The following SEPTIN4 variants were observed in gnomAD, a reference collection of about 807,000 sequenced individuals.
SEPTIN4 encodes septin-4.
In SEPTIN4, 52 loss-of-function variants were observed where a neutral mutation model predicts 107.1. The observed-to-expected ratio is 0.49, with a 90% CI of 0.39 to 0.61. SEPTIN4 has a LOEUF of 0.61. Among genes scored for constraint, SEPTIN4 ranks in the 20% least tolerant of loss-of-function variants. The pLI is 0.00. For missense variants in SEPTIN4, 1,048 were observed against 1,243.5 expected (o/e 0.84, Z 2.36); for synonymous variants, 417 against 467.0 (o/e 0.89, Z 1.38).
chr17:58,543,248 T>C lies in SEPTIN4; in HGVS notation c.939A>G (p.Val313=), dbSNP rs143782793. The C allele has an allele frequency of 8.7e-6, 14 of 1,614,042 alleles. No homozygotes were observed. The African/African-American group carries it at 1.6e-4, about 18-fold the overall frequency. The change falls in exon 1 of 14, where the codon GTA becomes GTG. Residue 313 remains valine (V), a synonymous_variant. Coordinates refer to ENST00000672673, the MANE Select transcript of SEPTIN4 (RefSeq NM_001368771.2). ...TCACGTTGGACTCCACCTGTGATGA[T>C]ACTAAGACCTTTGCGGAGGGCTTGG... ...PETKPSAKVL[V]SSQVESNVRT...
Position 58,541,973 on chromosome 17 carries a change from G to A in SEPTIN4, c.1562-7C>T. ...TACATTTCCTCAGAGACATCTGAAA[G>A]TAACAGAGAGATGGTTGCTTTTCTT... On this transcript the variant is annotated splice_region_variant and splice_polypyrimidine_tract_variant and intron_variant, in intron 1 of 13. Coordinates refer to ENST00000672673, the MANE Select transcript of SEPTIN4 (RefSeq NM_001368771.2). 10 of 1,613,500 alleles carry A rather than the reference G, an allele frequency of 6.2e-6. No individual in the cohort carries two copies. The highest frequency in any genetic ancestry group is 1.7e-4 in the Middle Eastern group (1 of 6,060).
Position 58,521,447 on chromosome 17 carries a change from G to C in SEPTIN4, c.2572-97C>G. 1.9e-6 allele frequency: 3 copies of C among 1,562,686 alleles called. No homozygotes were observed. In the Admixed American group the frequency reaches 5.0e-5, roughly 26 times the overall value. ...TCTCTGCTTCATTCTAGGAAGCCAG[G>C]GTCCTTTCCCACCCTGATAGCCTGA... On this transcript the variant is annotated intron_variant, in intron 10 of 13. Transcript: ENST00000672673. The surrounding 1 kb of genome is among the most constrained non-coding windows in gnomAD (Gnocchi z 6.4).
intron 3 of SEPTIN4, among the ~76,000 whole-genome samples, chr17:58,539,483 G>T (rs1473623158): frequency 6.6e-6 from 1 of 152,106 alleles, no homozygotes; most frequent in Admixed American, 6.5e-5. Context: ...AACCTGATCC[G>T]CTACCCATCT....
chr17:58,529,360 C>T (rs2043259527), intron 3 of SEPTIN4: 2 of 1,459,854 alleles, frequency 1.4e-6, no homozygotes, highest in South Asian at 1.4e-5. Context: ...TGTGGAATGT[C>T]CTTCCCCACC....
intron 3 of SEPTIN4, chr17:58,528,085 C>A (rs1227899240): frequency 2.1e-6 from 2 of 964,742 alleles, no homozygotes; most frequent in Non-Finnish European, 2.5e-6. Flanking sequence ...CCACGTGCCA[C>A]CCCCAGACAA....
At chr17:58,532,846 C>T (rs1048067339) in intron 3 of SEPTIN4, among the ~76,000 whole-genome samples, 2 of 152,152 alleles carry the variant, frequency 1.3e-5, no homozygotes, top group African/African-American at 4.8e-5. Flanking sequence ...ATTAGAGGCT[C>T]AGAAAGGTCA....
Position 58,521,843 on chromosome 17 carries a change from A to G in SEPTIN4, c.2362T>C (p.Leu788=), listed in dbSNP as rs1372556148. The G allele has an allele frequency of 1.2e-6, 2 of 1,614,070 alleles. No homozygotes were observed. Among genetic ancestry groups the G allele is most frequent in the African/African-American group, 1.3e-5 (1 of 74,916 alleles). The change falls in exon 9 of 14, where the codon TTG becomes CTG. Residue 788 remains leucine, a synonymous_variant. Coordinates refer to ENST00000672673, the MANE Select transcript of SEPTIN4 (RefSeq NM_001368771.2). The surrounding 1 kb of genome is among the most constrained non-coding windows in gnomAD (Gnocchi z 6.4). ...AGGGCCTTCATGAATTCAACATCCA[A>G]TGGCCGGAGCCTGGGGAACAGGAAC... ...ISPFGHGLRP[L]DVEFMKALHQ...
At chr17:58,528,955 A>G (rs2043209485) in intron 3 of SEPTIN4, among the ~76,000 whole-genome samples, 1 of 152,204 alleles carries the variant, frequency 6.6e-6, no homozygotes. Flanking sequence ...CAGGGGCTCT[A>G]GACAAGGAGT....
In SEPTIN4 at chr17:58,529,488, C is replaced by G. The variant is rs1320707033; in HGVS notation, c.1615-2510G>C. 1.2e-5 allele frequency: 15 copies of G among 1,268,414 alleles called. No individual in the cohort carries two copies. In the South Asian group the frequency reaches 2.4e-4, roughly 20 times the overall value. The allele number at this position is 1,268,414 out of a possible 1,614,324, so 78.6% of individuals were successfully genotyped here. ...TGATTGGCTGTCCCATGACGCCTGC[C>G]TGCTGCCTACCCTGGTGGGCACAGC... On this transcript the variant is annotated intron_variant, in intron 3 of 13. Transcript: ENST00000672673.
intron 6 of SEPTIN4, 134 bp downstream of exon 6, chr17:58,525,561 C>A: frequency 1.3e-6 from 1 of 776,062 alleles, no homozygotes; most frequent in Non-Finnish European, 2.1e-6. Context: ...GCAGTTAGGC[C>A]TATGGAGAGC....
In SEPTIN4 at chr17:58,526,203, C is replaced by A; in HGVS notation, c.2005+17G>T. 6.3e-7 allele frequency: 1 copy of A among 1,577,686 alleles called. No homozygotes were observed. The highest frequency in any genetic ancestry group is 8.6e-7 in the Non-Finnish European group (1 of 1,162,646). ...CTGAAACACACCCTGCCCAACCCAG[C>A]CCTGCCCCTTTTTTACCTGCCACCA... On this transcript the variant is annotated intron_variant, in intron 5 of 13. Transcript: ENST00000672673.
chr17:58,528,930 G>A (rs772863400), intron 3 of SEPTIN4, among the ~76,000 whole-genome samples: 3 of 152,178 alleles, frequency 2.0e-5, no homozygotes, highest in African/African-American at 4.8e-5. Context: ...CTGCTCATCC[G>A]CATGGAGGGG....
intron 2 of SEPTIN4, chr17:58,541,657 A>G: frequency 1.0e-6 from 1 of 1,001,716 alleles, no homozygotes; most frequent in Non-Finnish European, 1.5e-6. Context: ...TGAAAAGGCC[A>G]TGAGGCTTAA....
At position 58,543,121 on chromosome 17, in the gene SEPTIN4, A is replaced by G; in HGVS notation, c.1066T>C (p.Ser356Pro). 1 of 1,612,452 alleles carries G rather than the reference A, an allele frequency of 6.2e-7. No homozygotes were observed. Among genetic ancestry groups the G allele is most frequent in the East Asian group, 2.2e-5 (1 of 44,838 alleles). Residue 356 changes from serine to proline, a missense_variant, in exon 1 of 14, where the codon TCT becomes CCT. Physicochemically the swap from Ser to Pro is moderately conservative, Grantham distance 74 (BLOSUM62 -1). This residue lies in a region of SEPTIN4 where 787 missense variants were observed against 871.8 expected (regional missense o/e 0.90). Transcript: ENST00000672673. ...PTHHVTVPSV[S>P]EGSHKSSMFV... ...ATGGATGACTTGTGGGAGCCCTCAG[A>G]CACTGATGGAACTGTCACATGGTGA...
intron 2 of SEPTIN4, 164 bp from the exon 3 acceptor site, chr17:58,540,837 T>C (rs2043859772): frequency 1.9e-6 from 1 of 537,102 alleles, no homozygotes; most frequent in Non-Finnish European, 2.9e-6. Flanking sequence ...CAACAGCAGC[T>C]AGTATTTACT....
At chr17:58,529,732 G>A (rs2144170673) in intron 3 of SEPTIN4, 1 of 155,896 alleles carries the variant, frequency 6.4e-6, no homozygotes, top group South Asian at 2.0e-4. Flanking sequence ...TGGAGTAGGT[G>A]AGATGTCCTA....
At chr17:58,539,092 C>T in intron 3 of SEPTIN4, 1 of 1,492,084 alleles carries the variant, frequency 6.7e-7, no homozygotes, top group Non-Finnish European at 9.0e-7. Flanking sequence ...AGCACCTGGC[C>T]CATCTCCATG....
At position 58,538,885 on chromosome 17, in the gene SEPTIN4, C is replaced by T. The variant is rs1183881508; in HGVS notation, c.1614+1781G>A. Among the ~76,000 whole-genome samples the T allele has an allele frequency of 2.0e-5, 3 of 152,224 alleles. No homozygotes were observed. The highest frequency in any genetic ancestry group is 2.9e-5 in the Non-Finnish European group (2 of 68,030). On this transcript the variant is annotated intron_variant, in intron 3 of 13. Transcript: ENST00000672673. The surrounding 1 kb of genome is among the most constrained non-coding windows in gnomAD (Gnocchi z 4.7). ...AACAAACATGATGCCTTCCACAAGC[C>T]AGGCATCGTGGCCAGGCCACCAGAG...
Position 58,543,321 on chromosome 17 carries a change from G to A in SEPTIN4, c.866C>T (p.Ala289Val), listed in dbSNP as rs1349440464. 6.2e-7 allele frequency: 1 copy of A among 1,614,206 alleles called. No homozygotes were observed. The highest frequency in any genetic ancestry group is 8.5e-7 in the Non-Finnish European group (1 of 1,180,028). The change falls in exon 1 of 14, where the codon GCA (alanine) becomes GTA (valine). Residue 289 changes from alanine to valine, a missense_variant. By Grantham distance (64) the Ala-to-Val change is moderately conservative. Coordinates refer to ENST00000672673, the MANE Select transcript of SEPTIN4 (RefSeq NM_001368771.2). ...ATGAAGAGACTCAGGGTCTACCCGT[G>A]CAGAAACTCGGTGTACACCATCAGA... ...KDSDGVHRVS[A>V]RVDPESLHKY... is the part of the protein sequence containing the mutation.
Sources: allele counts gnomAD v4.1 joint callset (sites outside exome capture counted in the v4.1 genomes callset), GRCh38; gene constraint gnomAD v4.1.1; regional missense constraint gnomAD v4.1.1; non-coding constraint Gnocchi (gnomAD v3.1); transcripts MANE v1.5; gene names NCBI Gene and HGNC (gene_info 2026-07-23, HGNC 2026-07-21).